Variants in RGSL1 observed in about 807,000 individuals in gnomAD.
RGSL1 encodes regulator of G protein signaling like 1, also known as regulator of G protein signaling protein-like.
Under a neutral mutation model 124.7 loss-of-function variants are expected in RGSL1, and 97 were observed. The ratio of observed to expected loss-of-function variants is 0.78; its 90% CI spans 0.66 to 0.92. RGSL1 has a LOEUF of 0.92. RGSL1 is among the 40% of genes least tolerant of loss of function. RGSL1 has a pLI of 0.00. For synonymous variants in RGSL1, 424 were observed against 438.1 expected, an observed-to-expected ratio of 0.97 and a Z score of 0.40; for missense variants, 1,233 against 1,288.4, an observed-to-expected ratio of 0.96 and a Z score of 0.66.
At chr1:182,498,917 T>C (rs974999549) in intron 9 of RGSL1, among the ~76,000 whole-genome samples, 1 of 151,862 alleles carries the variant, frequency 6.6e-6, no homozygotes, top group African/African-American at 2.4e-5. Flanking sequence ...CTCAGCCTCC[T>C]GAAGAACAGG....
At chr1:182,529,174 T>A (rs1658977737) in intron 11 of RGSL1, among the ~76,000 whole-genome samples, 1 of 152,206 alleles carries the variant, frequency 6.6e-6, no homozygotes, top group Admixed American at 6.5e-5. Context: ...TATCCTTTCA[T>A]TTAATTTTAT....
At chr1:182,479,499 A>G (rs1194499037) in intron 6 of RGSL1, among the ~76,000 whole-genome samples, 1 of 152,182 alleles carries the variant, frequency 6.6e-6, no homozygotes, top group Non-Finnish European at 1.5e-5. Flanking sequence ...TGTATAGTAG[A>G]TACCTAAAAG....
chr1:182,473,884 T>C lies in RGSL1; in HGVS notation c.773T>C (p.Leu258Ser). Residue 258 changes from leucine (L) to serine (S), a missense_variant, in exon 6 of 22, where the codon TTG becomes TCG. By Grantham distance (145) the Leu-to-Ser change is moderately radical. Transcript: ENST00000294854. ...SRKAKRKMWQLVDPDSWSLEM... is the reference protein window; with the variant it reads ...SRKAKRKMWQSVDPDSWSLEM... ...AAAGCCAAGAGGAAGATGTGGCAAT[T>C]GGTAGATCCTGACTCTTGGTCTCTG... 4.5e-6 allele frequency: 7 copies of C among 1,551,832 alleles called. No homozygotes were observed. The highest frequency in any genetic ancestry group is 5.2e-6 in the Non-Finnish European group (6 of 1,147,014).
intron 4 of RGSL1, among the ~76,000 whole-genome samples, chr1:182,464,736 AAAAAG>A (rs1212547319): frequency 6.6e-6 from 1 of 151,814 alleles, no homozygotes; most frequent in Non-Finnish European, 1.5e-5. Context: ...AGAAAAAAAA[AAAAAG>A]AAAAGAAAAA....
At chr1:182,504,472 CTTTTTTTTTT>C (rs60918424) in intron 9 of RGSL1, among the ~76,000 whole-genome samples, 34 of 59,520 alleles carry the variant, frequency 5.7e-4, no homozygotes, top group African/African-American at 2.1e-3. Context: ...ATGAGCCATA[CTTTTTTTTTT>C]TTTTTTTTTT....
chr1:182,553,418 G>T, intron 18 of RGSL1, 37 bp from the exon 19 acceptor site: 1 of 1,477,268 alleles, frequency 6.8e-7, no homozygotes, highest in Non-Finnish European at 9.3e-7. Flanking sequence ...AGGAGTTGTC[G>T]CAGGTGTTTT....
chr1:182,474,230 C>G lies in RGSL1; in HGVS notation c.1119C>G (p.Ala373=). 1 of 1,551,934 alleles carries G rather than the reference C, an allele frequency of 6.4e-7. No individual in the cohort carries two copies. The highest frequency in any genetic ancestry group is 8.7e-7 in the Non-Finnish European group (1 of 1,147,020). Residue 373 remains alanine, a synonymous_variant, in exon 6 of 22, where the codon GCC becomes GCG. Coordinates refer to ENST00000294854, the MANE Select transcript of RGSL1 (RefSeq NM_001137669.2). ...QSFSLGYIHL[A]LCADACAGNP... ...TCTCCTTAGGATACATCCACTTGGC[C>G]TTGTGTGCTGATGCCTGTGCAGGGA... is the stretch of plus-strand genomic sequence containing the variant.
Position 182,527,730 on chromosome 1 carries a change from G to A in RGSL1, c.2083G>A (p.Glu695Lys). ...TNEKICKSLI[E>K]NVIKTFFQGQ... is the part of the protein sequence containing the mutation. ...TGAAAAGATTTGCAAGTCTCTCATA[G>A]AAAATGTAATCAAGACTTTCTTCCA... is the stretch of plus-strand genomic sequence containing the variant. The change falls in exon 11 of 22, where the codon GAA (glutamate) becomes AAA (lysine). Residue 695 changes from glutamate to lysine, a missense_variant. Glu to Lys is a moderately conservative substitution (Grantham distance 56). Transcript: ENST00000294854. The A allele has an allele frequency of 6.4e-7, 1 of 1,551,038 alleles. No individual in the cohort carries two copies. Among genetic ancestry groups the A allele is most frequent in the Non-Finnish European group, 8.7e-7 (1 of 1,146,658 alleles).
At chr1:182,461,328 A>C (rs547718302) in intron 4 of RGSL1, among the ~76,000 whole-genome samples, 1 of 152,038 alleles carries the variant, frequency 6.6e-6, no homozygotes, top group South Asian at 2.1e-4. Context: ...AATAATAATA[A>C]TAATAACAAC....
chr1:182,547,604 G>A (rs1171176432), intron 15 of RGSL1, among the ~76,000 whole-genome samples: 3 of 152,204 alleles, frequency 2.0e-5, no homozygotes, highest in Non-Finnish European at 4.4e-5. Flanking sequence ...GCTCATGCCT[G>A]TAGTCCCAGC....
chr1:182,469,191 T>C (rs1370898357), intron 4 of RGSL1, among the ~76,000 whole-genome samples: 1 of 152,054 alleles, frequency 6.6e-6, no homozygotes, highest in Non-Finnish European at 1.5e-5. Flanking sequence ...AAAAAACTTG[T>C]GCATCAAAAG....
At chr1:182,477,258 C>T (rs1423867723) in intron 6 of RGSL1, among the ~76,000 whole-genome samples, 1 of 152,190 alleles carries the variant, frequency 6.6e-6, no homozygotes, top group Non-Finnish European at 1.5e-5. Flanking sequence ...TCAGCCTCAT[C>T]TCCTGTGGAC....
rs1040283671 is a variant in RGSL1 at position 182,482,080 on chromosome 1, C to T, written c.1432-6205C>T. On this transcript the variant is annotated intron_variant, in intron 6 of 21. Transcript: ENST00000294854. ...TCCCTGGGTTATAAGGATGGCTTGACCTATGCAAATCAATCACTGTGATGC... is the reference window on the plus strand; with the variant it reads ...TCCCTGGGTTATAAGGATGGCTTGATCTATGCAAATCAATCACTGTGATGC... 5.3e-5 allele frequency among the ~76,000 whole-genome samples: 8 copies of T among 152,234 alleles called. 1 individual carries two copies. The highest frequency in any genetic ancestry group is 1.9e-4 in the East Asian group (1 of 5,190).
chr1:182,546,175 G>A (rs1660199300), intron 15 of RGSL1, among the ~76,000 whole-genome samples: 2 of 151,918 alleles, frequency 1.3e-5, no homozygotes, highest in Admixed American at 6.5e-5. Context: ...AAAAATCTCA[G>A]TACTATTTGT....
intron 14 of RGSL1, 25 bp downstream of exon 14, chr1:182,532,816 C>G: frequency 6.5e-7 from 1 of 1,542,696 alleles, no homozygotes; most frequent in Non-Finnish European, 8.8e-7. Context: ...TATTTACCCC[C>G]ACTCCCTGTT....
At chr1:182,472,798 G>A (rs765693051) in intron 5 of RGSL1, among the ~76,000 whole-genome samples, 11 of 152,172 alleles carry the variant, frequency 7.2e-5, no homozygotes, top group Admixed American at 3.9e-4. Context: ...TGGAAGGAGC[G>A]GGGAGGAATT....
chr1:182,554,797 C>G, intron 20 of RGSL1, 104 bp downstream of exon 20: 5 of 1,116,836 alleles, frequency 4.5e-6, no homozygotes, highest in Non-Finnish European at 6.6e-6. Flanking sequence ...CATACCCTGC[C>G]TCTCCTTGGC....
At chr1:182,503,250 C>T (rs1231053849) in intron 9 of RGSL1, among the ~76,000 whole-genome samples, 1 of 152,054 alleles carries the variant, frequency 6.6e-6, no homozygotes, top group Admixed American at 6.5e-5. Context: ...TTGGAAGCAA[C>T]CTACACGTCC....
At chr1:182,515,543 A>G (rs1191198756) in intron 9 of RGSL1, among the ~76,000 whole-genome samples, 3 of 93,404 alleles carry the variant, frequency 3.2e-5, no homozygotes, top group Non-Finnish European at 6.7e-5. Context: ...TTTAAAGTAA[A>G]AAAAAAAAAA....
Sources: gnomAD v4.1 joint callset for allele counts (sites outside exome capture counted in the v4.1 genomes callset) on GRCh38, gnomAD v4.1.1 for gene constraint, MANE v1.5 for transcripts, NCBI Gene and HGNC (gene_info 2026-07-23, HGNC 2026-07-21) for gene names.